The following SERGEF variants were observed in gnomAD, a reference collection of about 807,000 sequenced individuals.
SERGEF encodes secretion-regulating guanine nucleotide exchange factor.
A neutral mutation model predicts 50.0 loss-of-function variants in SERGEF; 51 were observed. The ratio of observed to expected loss-of-function variants is 1.02; its 90% confidence interval spans 0.81 to 1.29. The LOEUF (loss-of-function observed/expected upper bound fraction) is 1.29. Ranked by LOEUF, SERGEF falls within the 50% of genes most tolerant of loss-of-function variation. SERGEF has a pLI of 0.00. For missense variants in SERGEF, 521 were observed against 557.0 expected, an observed-to-expected ratio of 0.94 and a Z score of 0.65; for synonymous variants, 205 against 212.4, an observed-to-expected ratio of 0.97 and a Z score of 0.30.
At position 17,788,349 on chromosome 11, in the gene SERGEF, G is replaced by A. The variant is rs760279022; in HGVS notation, c.1113C>T (p.Asn371=). 2.4e-5 allele frequency: 39 copies of A among 1,613,984 alleles called. No homozygotes were observed. The highest frequency in any genetic ancestry group is 4.0e-5 in the African/African-American group (3 of 74,938). The part of the protein sequence containing the change: ...HGMCGDGTEA[N]VWAPKPVQAL... ...CCTGCACCGGCTTTGGGGCCCAGAC[G>A]TTGGCTTCAGTGCCATCTCCGCACA... Residue 371 remains asparagine, a synonymous_variant, in exon 11 of 11, where the codon AAC becomes AAT. Coordinates refer to ENST00000265965, the MANE Select transcript of SERGEF (RefSeq NM_012139.4).
At chr11:17,824,167 G>A (rs1037370620) in intron 10 of SERGEF, among the ~76,000 whole-genome samples, 29 of 152,156 alleles carry the variant, frequency 1.9e-4, no homozygotes, top group South Asian at 4.1e-4. Flanking sequence ...CGGGCGTGGT[G>A]GCGGGCGCCT....
At chr11:17,869,019 C>T (rs1174012054) in intron 10 of SERGEF, among the ~76,000 whole-genome samples, 1 of 152,108 alleles carries the variant, frequency 6.6e-6, no homozygotes, top group Admixed American at 6.5e-5. Context: ...AAACTCCTGG[C>T]CTTAAGTGAT....
At chr11:17,989,218 G>T (rs1158273024) in intron 7 of SERGEF, among the ~76,000 whole-genome samples, 1 of 152,184 alleles carries the variant, frequency 6.6e-6, no homozygotes, top group Non-Finnish European at 1.5e-5. Flanking sequence ...CTGTCCAGCA[G>T]AAAATATAAT....
intron 10 of SERGEF, among the ~76,000 whole-genome samples, chr11:17,799,860 T>C (rs534481642): frequency 1.3e-5 from 2 of 152,348 alleles, no homozygotes; most frequent in East Asian, 3.9e-4. Flanking sequence ...CAATTCATTT[T>C]GTACACATCA....
At chr11:17,959,044 T>C (rs1454751571) in intron 9 of SERGEF, among the ~76,000 whole-genome samples, 1 of 152,112 alleles carries the variant, frequency 6.6e-6, no homozygotes, top group South Asian at 2.1e-4. Flanking sequence ...AATTTTTGTA[T>C]TTTTAGTAGA....
chr11:17,974,226 C>G (rs1045263787), intron 8 of SERGEF, among the ~76,000 whole-genome samples: 1 of 152,194 alleles, frequency 6.6e-6, no homozygotes, highest in African/African-American at 2.4e-5. Flanking sequence ...ATACAAACAC[C>G]CTCTACTAGC....
intron 1 of SERGEF, chr11:18,012,691 G>C (rs930907951): frequency 5.1e-6 from 6 of 1,165,730 alleles, no homozygotes; most frequent in African/African-American, 1.6e-5. Context: ...CCCCGAGGCA[G>C]GTTCTTCCCG....
intron 10 of SERGEF, among the ~76,000 whole-genome samples, chr11:17,871,752 G>A (rs1050026941): frequency 4.6e-5 from 7 of 152,146 alleles, no homozygotes; most frequent in African/African-American, 1.7e-4. Flanking sequence ...ATTCCACACT[G>A]CACACTCAAC....
chr11:17,804,231 G>A (rs960396755), intron 10 of SERGEF, among the ~76,000 whole-genome samples: 1 of 152,316 alleles, frequency 6.6e-6, no homozygotes, highest in Admixed American at 6.5e-5. Flanking sequence ...GAGCTGTGAC[G>A]CACAACAGAG....
chr11:17,980,904 C>A lies in SERGEF; in HGVS notation c.844+7693G>T, dbSNP rs572240290. 5.9e-5 allele frequency among the ~76,000 whole-genome samples: 9 copies of A among 152,210 alleles called. No individual in the cohort carries two copies. The South Asian group carries it at 8.3e-4, about 14-fold the overall frequency. ...GATAGAATTTCAGAGCTGGAATGAC[C>A]CTTAAAGATTATTATGTAAACGTAT... On this transcript the variant is annotated intron_variant, in intron 8 of 10. Coordinates refer to ENST00000265965, the MANE Select transcript of SERGEF (RefSeq NM_012139.4).
At chr11:18,010,977 C>A (rs1416994561) in intron 1 of SERGEF, among the ~76,000 whole-genome samples, 1 of 152,148 alleles carries the variant, frequency 6.6e-6, no homozygotes, top group Non-Finnish European at 1.5e-5. Context: ...CATGGGCACT[C>A]TGAGGTTCAA....
chr11:17,971,175 C>T (rs181791477), intron 8 of SERGEF, among the ~76,000 whole-genome samples: 7 of 151,818 alleles, frequency 4.6e-5, no homozygotes, highest in African/African-American at 9.7e-5. Context: ...GGCTGGGCGA[C>T]GCAGCGAGAC....
chr11:17,931,076 C>A (rs1241670235), intron 9 of SERGEF, among the ~76,000 whole-genome samples: 3 of 152,152 alleles, frequency 2.0e-5, no homozygotes, highest in Admixed American at 6.6e-5. Flanking sequence ...TAGATAATAT[C>A]ATCACAGGCA....
intron 6 of SERGEF, among the ~76,000 whole-genome samples, chr11:17,993,643 C>T (rs567816081): frequency 1.3e-5 from 2 of 152,252 alleles, no homozygotes; most frequent in African/African-American, 4.8e-5. Context: ...CAGACTTATT[C>T]TGTAACTTTT....
At chr11:17,850,689 C>T (rs1850694984) in intron 10 of SERGEF, among the ~76,000 whole-genome samples, 2 of 152,216 alleles carry the variant, frequency 1.3e-5, no homozygotes, top group Admixed American at 1.3e-4. Context: ...AACCAAAATA[C>T]TGCATTCTTG....
Position 17,991,740 on chromosome 11 carries a change from C to T in SERGEF, c.685+1191G>A, listed in dbSNP as rs951121630. Among the ~76,000 whole-genome samples, 24 of 152,168 alleles carry T rather than the reference C, an allele frequency of 1.6e-4. No individual in the cohort carries two copies. The highest frequency in any genetic ancestry group is 5.3e-4 in the African/African-American group (22 of 41,434). On this transcript the variant is annotated intron_variant, in intron 7 of 10. Coordinates refer to ENST00000265965, the MANE Select transcript of SERGEF (RefSeq NM_012139.4). This position sits in a 1 kb window ranked among gnomAD's most constrained non-coding sequence, Gnocchi z 4.9. ...GCTCAGAATTTGCAAAGCATTTAAA[C>T]TTTCATATTATGGCTCCCGTGCTCT...
chr11:17,815,260 T>G (rs2133838662), intron 10 of SERGEF, among the ~76,000 whole-genome samples: 1 of 151,962 alleles, frequency 6.6e-6, no homozygotes, highest in South Asian at 2.1e-4. Flanking sequence ...GTTTCTGGAT[T>G]TAGGGTTTTG....
At position 17,999,001 on chromosome 11, in the gene SERGEF, A is replaced by C. The variant is rs181361460; in HGVS notation, c.508+1496T>G. ...TACTGTGGTACATCCATACCATCAA[A>C]TACTACTCAGCAATGAAAAGGAATG... On this transcript the variant is annotated intron_variant, in intron 5 of 10. Transcript: ENST00000265965. Among the ~76,000 whole-genome samples, 486 of 152,340 alleles carry C rather than the reference A, an allele frequency of 3.2e-3. 2 individuals are homozygous for C. The highest frequency in any genetic ancestry group is 5.1e-3 in the Non-Finnish European group (345 of 68,024).
intron 10 of SERGEF, among the ~76,000 whole-genome samples, chr11:17,803,831 G>A (rs890375364): frequency 2.0e-5 from 3 of 152,148 alleles, no homozygotes; most frequent in Non-Finnish European, 4.4e-5. Flanking sequence ...CCCCTTGCAT[G>A]GAACAAGTAG....
Sources: gnomAD v4.1 joint callset for allele counts (sites outside exome capture counted in the v4.1 genomes callset) on GRCh38, gnomAD v4.1.1 for gene constraint, Gnocchi (gnomAD v3.1) non-coding constraint, MANE v1.5 for transcripts, NCBI Gene and HGNC (gene_info 2026-07-23, HGNC 2026-07-21) for gene names.